MAGI2: variants seen among roughly 807,000 people sequenced by gnomAD.
MAGI2 encodes membrane-associated guanylate kinase, WW and PDZ domain-containing protein 2.
In MAGI2, 35 loss-of-function variants were observed where a neutral mutation model predicts 133.3. The observed-to-expected ratio is 0.26, with a 90% CI of 0.20 to 0.35. MAGI2 has a LOEUF of 0.35. MAGI2 is among the 10% of genes least tolerant of loss of function. The pLI is 1.00. For missense variants in MAGI2, 1,636 were observed against 1,863.4 expected (o/e 0.88, Z 2.25); for synonymous variants, 729 against 710.6 (o/e 1.03, Z -0.41).
At chr7:78,327,716 A>G (rs1788727903) in intron 9 of MAGI2, among the ~76,000 whole-genome samples, 1 of 152,220 alleles carries the variant, frequency 6.6e-6, no homozygotes, top group African/African-American at 2.4e-5. Flanking sequence ...TAAATGAATG[A>G]GCAAGTGGAT....
intron 9 of MAGI2, among the ~76,000 whole-genome samples, chr7:78,328,320 G>A (rs1421877535): frequency 6.6e-6 from 1 of 151,982 alleles, no homozygotes; most frequent in Admixed American, 6.6e-5. Flanking sequence ...TACTCTGTAA[G>A]TTTTGAGATT....
intron 6 of MAGI2, among the ~76,000 whole-genome samples, chr7:78,465,532 T>C (rs1790532510): frequency 6.6e-6 from 1 of 152,198 alleles, no homozygotes; most frequent in African/African-American, 2.4e-5. Context: ...GATAAGGATG[T>C]AATTATGAAA....
intron 2 of MAGI2, among the ~76,000 whole-genome samples, chr7:78,838,385 A>G (rs1180607813): frequency 6.6e-6 from 1 of 152,060 alleles, no homozygotes; most frequent in Non-Finnish European, 1.5e-5. Context: ...AGAGCAATTG[A>G]TCATACATAT....
chr7:79,453,022 T>G lies in MAGI2; in HGVS notation c.299A>C (p.Gln100Pro). Residue 100 changes from glutamine to proline, a missense_variant and splice_region_variant, in exon 1 of 22, where the codon CAA becomes CCA. Transcript: ENST00000354212. ...ACTGAGCAAGCCGCTGCTCTCACCT[T>G]GCTTGACACACTTGAGCCGGAGGGG... The part of the protein sequence containing the change: ...KDPLRLKCVK[Q>P]GGIVDKDLRH... 6.3e-7 allele frequency: 1 copy of G among 1,577,650 alleles called. No individual in the cohort carries two copies. The highest frequency in any genetic ancestry group is 8.6e-7 in the Non-Finnish European group (1 of 1,161,544).
chr7:79,169,361 C>T (rs1215746319), intron 1 of MAGI2, among the ~76,000 whole-genome samples: 1 of 152,126 alleles, frequency 6.6e-6, no homozygotes, highest in Admixed American at 6.6e-5. Flanking sequence ...GGCAACTGAT[C>T]TCCAAAATTA....
chr7:78,741,404 CACACACACACACA>C lies in MAGI2; in HGVS notation c.419-114178_419-114166del, dbSNP rs1450461024. On this transcript the variant is annotated intron_variant, in intron 2 of 21. Coordinates refer to ENST00000354212, the MANE Select transcript of MAGI2 (RefSeq NM_012301.4). The stretch of plus-strand genomic sequence containing the variant: ...ACACACACACACACACACACACACA[CACACACACACACA>C]CACACACACACGGGAGGGGGGTTAG... Among the ~76,000 whole-genome samples the C allele has an allele frequency of 2.1e-5, 3 of 145,840 alleles. No individual in the cohort carries two copies. In the East Asian group the frequency reaches 5.9e-4, roughly 29 times the overall value.
chr7:78,221,081 G>T (rs1107561), intron 10 of MAGI2, among the ~76,000 whole-genome samples: 24,387 of 152,094 alleles, frequency 0.16, 2,486 homozygotes, highest in East Asian at 0.33. Context: ...TCTTTAGCAT[G>T]TCATGAATTT....
chr7:79,017,479 G>A (rs1253526905), intron 1 of MAGI2, among the ~76,000 whole-genome samples: 1 of 152,210 alleles, frequency 6.6e-6, no homozygotes, highest in Non-Finnish European at 1.5e-5. Flanking sequence ...AGCCCACGAA[G>A]ATGAGAAAGA....
chr7:79,211,571 G>A (rs1370222722), intron 1 of MAGI2, among the ~76,000 whole-genome samples: 5 of 151,680 alleles, frequency 3.3e-5, no homozygotes, highest in Non-Finnish European at 5.9e-5. Flanking sequence ...TGAGATCACA[G>A]GAGTCAGCCA....
At chr7:78,255,901 T>C (rs943325794) in intron 10 of MAGI2, 42 bp downstream of exon 10, 1 of 1,583,918 alleles carries the variant, frequency 6.3e-7, no homozygotes, top group Non-Finnish European at 8.6e-7. Context: ...GATCCTACTA[T>C]TTTACCCACA....
intron 6 of MAGI2, among the ~76,000 whole-genome samples, chr7:78,385,720 T>C (rs1017466583): frequency 6.6e-6 from 1 of 152,214 alleles, no homozygotes; most frequent in African/African-American, 2.4e-5. Context: ...CAATACAGTA[T>C]AGTGAACGTT....
intron 3 of MAGI2, among the ~76,000 whole-genome samples, chr7:78,577,271 G>A (rs1444152007): frequency 1.3e-5 from 2 of 151,914 alleles, no homozygotes; most frequent in Non-Finnish European, 2.9e-5. Flanking sequence ...CTAAAGCATG[G>A]GAAAGCCATA....
At chr7:79,162,608 CA>C (rs1426681511) in intron 1 of MAGI2, among the ~76,000 whole-genome samples, 1 of 152,046 alleles carries the variant, frequency 6.6e-6, no homozygotes. Context: ...CCACTCCAAC[CA>C]TAAGGAATTT....
intron 1 of MAGI2, among the ~76,000 whole-genome samples, chr7:79,241,123 C>T (rs1832376948): frequency 6.6e-6 from 1 of 152,038 alleles, no homozygotes; most frequent in African/African-American, 2.4e-5. Flanking sequence ...CGTTGCTTGT[C>T]CTCTCTCTAC....
intron 5 of MAGI2, among the ~76,000 whole-genome samples, chr7:78,494,457 A>T (rs1466115503): frequency 1.3e-5 from 2 of 152,158 alleles, no homozygotes; most frequent in Admixed American, 6.6e-5. Flanking sequence ...CTTATAGATC[A>T]TGCCATATTC....
At position 78,166,091 on chromosome 7, in the gene MAGI2, G is replaced by C. The variant is rs150556322; in HGVS notation, c.2596+1825C>G. ...GCACTCAAAAGCCTAACTGAGTAAA[G>C]TTGGTAAGAGCTGCAGCAAAGAGCA... On this transcript the variant is annotated intron_variant, in intron 15 of 21. Transcript: ENST00000354212. Among the ~76,000 whole-genome samples the C allele has an allele frequency of 1.4e-3, 218 of 152,324 alleles. 1 individual carries two copies. Among genetic ancestry groups the C allele is most frequent in the African/African-American group, 4.8e-3 (200 of 41,574 alleles).
intron 2 of MAGI2, among the ~76,000 whole-genome samples, chr7:78,826,651 G>A (rs1266434879): frequency 6.6e-6 from 1 of 152,098 alleles, no homozygotes; most frequent in East Asian, 1.9e-4. Context: ...CTTAATTTAT[G>A]CAAATTAAAA....
chr7:78,083,222 A>G (rs1206962949), intron 20 of MAGI2, among the ~76,000 whole-genome samples: 4 of 151,816 alleles, frequency 2.6e-5, no homozygotes, highest in Admixed American at 6.6e-5. Context: ...CTCTTTCTAT[A>G]CTCTCTCTGC....
intron 2 of MAGI2, among the ~76,000 whole-genome samples, chr7:78,713,146 G>A (rs112843314): frequency 3.3e-5 from 5 of 152,286 alleles, no homozygotes; most frequent in Admixed American, 1.3e-4. Flanking sequence ...AACGTGAAAT[G>A]TGTTCAGTGA....
Sources: allele counts gnomAD v4.1 joint callset (sites outside exome capture counted in the v4.1 genomes callset), GRCh38; gene constraint gnomAD v4.1.1; transcripts MANE v1.5; gene names NCBI Gene and HGNC (gene_info 2026-07-23, HGNC 2026-07-21).